Variants in PPARGC1A observed in about 807,000 individuals in gnomAD.
The protein encoded by PPARGC1A is PPARG coactivator 1 alpha, also known as peroxisome proliferator-activated receptor gamma coactivator 1-alpha.
PPARGC1A carries 25 observed loss-of-function variants against 88.7 expected under a neutral mutation model. That is an observed-to-expected ratio of 0.28 (90% CI 0.21 to 0.39). The LOEUF (loss-of-function observed/expected upper bound fraction) is 0.39. PPARGC1A is among the 10% of genes least tolerant of loss of function. The pLI is 1.00. For synonymous variants in PPARGC1A, 363 were observed against 355.6 expected (o/e 1.02, Z -0.24); for missense variants, 880 against 968.7 (o/e 0.91, Z 1.22).
chr4:24,396,605 C>T, the PPARGC1A span, among the ~76,000 whole-genome samples: 2 of 152,054 alleles, frequency 1.3e-5, no homozygotes, highest in Non-Finnish European at 2.9e-5. Context: ...AAGAAGAATT[C>T]CTATTTTAGG....
chr4:24,100,054 T>A, the PPARGC1A span, among the ~76,000 whole-genome samples: 1 of 151,766 alleles, frequency 6.6e-6, no homozygotes, highest in African/African-American at 2.4e-5. Context: ...CACACCAACA[T>A]GGCACATGTG....
At chr4:23,862,717 T>C (rs1731432909) in intron 2 of PPARGC1A, among the ~76,000 whole-genome samples, 1 of 152,190 alleles carries the variant, frequency 6.6e-6, no homozygotes, top group Non-Finnish European at 1.5e-5. Context: ...AAAGCTACTG[T>C]AGTATTATTA....
At chr4:23,903,817 T>C (rs935302182), upstream of PPARGC1A, among the ~76,000 whole-genome samples, 2 of 151,970 alleles carry the variant, frequency 1.3e-5, no homozygotes, top group African/African-American at 4.8e-5. Flanking sequence ...TAAAAAAAAA[T>C]GAAGTATACT....
At chr4:23,983,114 A>G in the PPARGC1A span, among the ~76,000 whole-genome samples, 28 of 152,258 alleles carry the variant, frequency 1.8e-4, no homozygotes, top group African/African-American at 6.3e-4. Flanking sequence ...TTTGACCTAT[A>G]AAATCAAACA....
At chr4:24,283,924 G>A in the PPARGC1A span, among the ~76,000 whole-genome samples, 1 of 152,122 alleles carries the variant, frequency 6.6e-6, no homozygotes, top group South Asian at 2.1e-4. Context: ...TTGCATATCA[G>A]TATTACTGTC....
chr4:24,137,571 A>G, the PPARGC1A span, among the ~76,000 whole-genome samples: 8 of 152,204 alleles, frequency 5.3e-5, no homozygotes, highest in African/African-American at 1.9e-4. Context: ...TAAACAGGAT[A>G]CAGTAAGTGA....
At chr4:24,060,365 A>C in the PPARGC1A span, among the ~76,000 whole-genome samples, 1 of 152,256 alleles carries the variant, frequency 6.6e-6, no homozygotes. Context: ...AGCTTACTGC[A>C]ATAATACCCA....
the PPARGC1A span, among the ~76,000 whole-genome samples, chr4:24,191,492 T>C: frequency 6.6e-6 from 1 of 152,216 alleles, no homozygotes; most frequent in African/African-American, 2.4e-5. Flanking sequence ...CTTTGCATGC[T>C]TTCTGGACTC....
chr4:23,947,764 G>T, the PPARGC1A span, among the ~76,000 whole-genome samples: 1 of 152,072 alleles, frequency 6.6e-6, no homozygotes, highest in Non-Finnish European at 1.5e-5. Flanking sequence ...TGCACCCTAG[G>T]CATGTGGCCA....
chr4:24,066,616 GAAGTA>G, the PPARGC1A span, among the ~76,000 whole-genome samples: 1 of 152,224 alleles, frequency 6.6e-6, no homozygotes, highest in East Asian at 1.9e-4. Flanking sequence ...GGGAGCTACA[GAAGTA>G]AATCCCCAGG....
the PPARGC1A span, among the ~76,000 whole-genome samples, chr4:24,440,784 A>G: frequency 1.6e-4 from 24 of 152,022 alleles, no homozygotes; most frequent in African/African-American, 5.1e-4. Flanking sequence ...CCTGGGTGAC[A>G]GAGTAAGACT....
chr4:23,995,457 C>T, the PPARGC1A span, among the ~76,000 whole-genome samples: 1 of 152,220 alleles, frequency 6.6e-6, no homozygotes, highest in Admixed American at 6.5e-5. Context: ...GCTTAATATC[C>T]CTCAGTGGTC....
the PPARGC1A span, among the ~76,000 whole-genome samples, chr4:24,436,779 C>T: frequency 3.6e-4 from 51 of 140,874 alleles, no homozygotes; most frequent in Middle Eastern, 3.6e-3. Flanking sequence ...CCCCAGAGCC[C>T]GGGTCACAGA....
At chr4:24,290,151 G>C in the PPARGC1A span, among the ~76,000 whole-genome samples, 1 of 152,290 alleles carries the variant, frequency 6.6e-6, no homozygotes, top group African/African-American at 2.4e-5. Flanking sequence ...AATTACGGGA[G>C]CTACAATTCA....
chr4:24,405,178 T>C, the PPARGC1A span, among the ~76,000 whole-genome samples: 2 of 152,162 alleles, frequency 1.3e-5, no homozygotes, highest in Non-Finnish European at 2.9e-5. Context: ...AATTAAAAGT[T>C]TGTTGAACTG....
At chr4:23,998,089 A>T in the PPARGC1A span, among the ~76,000 whole-genome samples, 2 of 152,200 alleles carry the variant, frequency 1.3e-5, no homozygotes, top group African/African-American at 4.8e-5. Flanking sequence ...AGTTCTTGTT[A>T]TGAAGTTCTC....
the PPARGC1A span, among the ~76,000 whole-genome samples, chr4:24,394,156 T>C: frequency 5.9e-5 from 9 of 152,190 alleles, no homozygotes; most frequent in Admixed American, 2.6e-4. Context: ...GACTCCCCCA[T>C]ATGCAACTAA....
At chr4:24,019,098 T>C in the PPARGC1A span, among the ~76,000 whole-genome samples, 1 of 152,182 alleles carries the variant, frequency 6.6e-6, no homozygotes, top group Non-Finnish European at 1.5e-5. Flanking sequence ...TCCACATGGT[T>C]CTTAATAGCC....
At chr4:24,199,038 C>A in the PPARGC1A span, among the ~76,000 whole-genome samples, 2 of 152,148 alleles carry the variant, frequency 1.3e-5, no homozygotes, top group Non-Finnish European at 2.9e-5. Flanking sequence ...CCTACTCTTC[C>A]TTCTTTCCCT....
Sources: allele counts gnomAD v4.1 joint callset (sites outside exome capture counted in the v4.1 genomes callset), GRCh38; gene constraint gnomAD v4.1.1; transcripts MANE v1.5; gene names NCBI Gene and HGNC (gene_info 2026-07-23, HGNC 2026-07-21).